NPSR1: variants seen among roughly 807,000 people sequenced by gnomAD.
The protein encoded by NPSR1 is neuropeptide S receptor 1, also known as neuropeptide S receptor.
Under a neutral mutation model 46.9 loss-of-function variants are expected in NPSR1, and 48 were observed. That is an observed-to-expected ratio of 1.02 (90% confidence interval 0.81 to 1.30). The LOEUF is 1.30. Among genes scored for constraint, NPSR1 ranks in the 50% most tolerant of loss-of-function variants. The pLI, the probability that NPSR1 is intolerant of heterozygous loss-of-function variation, is 0.00. For missense variants in NPSR1, 450 were observed against 449.5 expected, an observed-to-expected ratio of 1.00 and a Z score of -0.01; for synonymous variants, 176 against 168.1, an observed-to-expected ratio of 1.05 and a Z score of -0.36.
At chr7:34,664,412 C>T (rs1791632776) in intron 1 of NPSR1, among the ~76,000 whole-genome samples, 1 of 152,100 alleles carries the variant, frequency 6.6e-6, no homozygotes, top group African/African-American at 2.4e-5. Flanking sequence ...GTTCATTATT[C>T]ATAATTAGAG....
intron 2 of NPSR1, among the ~76,000 whole-genome samples, chr7:34,696,346 T>G (rs946505699): frequency 1.3e-5 from 2 of 152,006 alleles, no homozygotes; most frequent in African/African-American, 4.8e-5. Context: ...AGTTGAAAAG[T>G]TACCTATTGG....
At chr7:34,745,828 A>G (rs1324954015) in intron 2 of NPSR1, among the ~76,000 whole-genome samples, 1 of 152,154 alleles carries the variant, frequency 6.6e-6, no homozygotes, top group African/African-American at 2.4e-5. Context: ...TTTAAATATT[A>G]TGTAATACTG....
At chr7:34,760,671 T>C (rs183739043) in intron 2 of NPSR1, among the ~76,000 whole-genome samples, 162 of 152,312 alleles carry the variant, frequency 1.1e-3, no homozygotes, top group African/African-American at 3.8e-3. Context: ...CTGCAACCCA[T>C]CATATTTTAT....
chr7:34,760,434 C>T (rs1008492632), intron 2 of NPSR1, among the ~76,000 whole-genome samples: 8 of 152,144 alleles, frequency 5.3e-5, no homozygotes, highest in Non-Finnish European at 1.0e-4. Flanking sequence ...CCCTGGATTC[C>T]GTGTGGTCAG....
chr7:34,765,996 C>A (rs1314535673), intron 2 of NPSR1, among the ~76,000 whole-genome samples: 2 of 152,030 alleles, frequency 1.3e-5, no homozygotes, highest in African/African-American at 2.4e-5. Context: ...ACACAATATA[C>A]CCATGTAATA....
intron 1 of NPSR1, among the ~76,000 whole-genome samples, chr7:34,662,099 A>G (rs1791481581): frequency 6.6e-6 from 1 of 152,208 alleles, no homozygotes. Flanking sequence ...TGAATTATCT[A>G]AATTATAAAA....
At chr7:34,804,041 G>A (rs767948517) in intron 3 of NPSR1, among the ~76,000 whole-genome samples, 1 of 151,568 alleles carries the variant, frequency 6.6e-6, no homozygotes, top group Admixed American at 6.6e-5. Flanking sequence ...AGGCCCAGAT[G>A]GGTTCATTAG....
intron 5 of NPSR1, among the ~76,000 whole-genome samples, chr7:34,827,823 C>T (rs978004445): frequency 3.3e-5 from 5 of 152,180 alleles, no homozygotes; most frequent in African/African-American, 1.2e-4. Flanking sequence ...GTATATAGGG[C>T]AGGCATTGTG....
At chr7:34,662,131 T>G (rs1227416077) in intron 1 of NPSR1, among the ~76,000 whole-genome samples, 1 of 152,196 alleles carries the variant, frequency 6.6e-6, no homozygotes, top group Non-Finnish European at 1.5e-5. Flanking sequence ...AAACTTAGTT[T>G]TATTACTCAT....
At chr7:34,836,361 G>A (rs1294097806) in intron 6 of NPSR1, among the ~76,000 whole-genome samples, 1 of 152,126 alleles carries the variant, frequency 6.6e-6, no homozygotes, top group East Asian at 1.9e-4. Context: ...ATCATTGAAA[G>A]AGAATTATAT....
At chr7:34,741,824 T>A (rs188496768) in intron 2 of NPSR1, among the ~76,000 whole-genome samples, 129 of 152,324 alleles carry the variant, frequency 8.5e-4, no homozygotes, top group Middle Eastern at 6.8e-3. Context: ...CAGGCAATTT[T>A]AAATTCTCTA....
intron 2 of NPSR1, among the ~76,000 whole-genome samples, chr7:34,765,045 T>C (rs1303420963): frequency 6.6e-6 from 1 of 151,990 alleles, no homozygotes; most frequent in Non-Finnish European, 1.5e-5. Flanking sequence ...ACTATGCTAA[T>C]AGAAAATCCA....
At chr7:34,802,422 A>G (rs1365136233) in intron 3 of NPSR1, among the ~76,000 whole-genome samples, 1 of 150,248 alleles carries the variant, frequency 6.7e-6, no homozygotes, top group Admixed American at 6.6e-5. Flanking sequence ...CATATCTACA[A>G]CTATCTGATC....
At position 34,805,942 on chromosome 7, in the gene NPSR1, C is replaced by T. The variant is rs531067712; in HGVS notation, c.385-5828C>T. Among the ~76,000 whole-genome samples, 40 of 151,880 alleles carry T rather than the reference C, an allele frequency of 2.6e-4. 1 individual carries two copies. Among genetic ancestry groups the T allele is most frequent in the Admixed American group, 2.4e-3 (37 of 15,260 alleles). ...TAGAAAGAAGCTCAAAATCATATGC[C>T]ATTAGGGAATTGCAAATTAAAACAA... is the stretch of plus-strand genomic sequence containing the variant. On this transcript the variant is annotated intron_variant, in intron 3 of 8. Coordinates refer to ENST00000360581, the MANE Select transcript of NPSR1 (RefSeq NM_207172.2).
intron 2 of NPSR1, among the ~76,000 whole-genome samples, chr7:34,729,059 C>T (rs930121908): frequency 1.4e-4 from 22 of 152,198 alleles, no homozygotes; most frequent in Non-Finnish European, 2.9e-4. Flanking sequence ...TTGCTATAGT[C>T]ATCACCCACT....
chr7:34,667,884 T>C (rs903483901), intron 1 of NPSR1, among the ~76,000 whole-genome samples: 5 of 152,048 alleles, frequency 3.3e-5, no homozygotes, highest in South Asian at 2.1e-4. Flanking sequence ...AGAACTTCTT[T>C]CTTCAATAAA....
intron 2 of NPSR1, among the ~76,000 whole-genome samples, chr7:34,764,593 C>T (rs982508540): frequency 2.6e-5 from 4 of 152,174 alleles, no homozygotes; most frequent in African/African-American, 7.2e-5. Flanking sequence ...TACTACCCTC[C>T]TTCCTAGACA....
intron 8 of NPSR1, among the ~76,000 whole-genome samples, chr7:34,875,656 C>T (rs1791557122): frequency 6.6e-6 from 1 of 152,204 alleles, no homozygotes; most frequent in South Asian, 2.1e-4. Flanking sequence ...ATGCTTTTGG[C>T]AGCACCTGGC....
intron 3 of NPSR1, among the ~76,000 whole-genome samples, chr7:34,794,979 C>T (rs1325888838): frequency 6.6e-6 from 1 of 152,004 alleles, no homozygotes; most frequent in East Asian, 1.9e-4. Flanking sequence ...TTAGAGGCTA[C>T]AGTGAGCTAT....
Sources: allele counts gnomAD v4.1 joint callset (sites outside exome capture counted in the v4.1 genomes callset), GRCh38; gene constraint gnomAD v4.1.1; transcripts MANE v1.5; gene names NCBI Gene and HGNC (gene_info 2026-07-23, HGNC 2026-07-21).